The following TFAP2D variants were observed in gnomAD, a reference collection of about 807,000 sequenced individuals.
The protein encoded by TFAP2D is transcription factor AP-2-delta.
A neutral mutation model predicts 43.6 loss-of-function variants in TFAP2D; 9 were observed. The ratio of observed to expected loss-of-function variants is 0.21; its 90% CI spans 0.12 to 0.36. TFAP2D has a LOEUF of 0.36. Among genes scored for constraint, TFAP2D ranks in the 10% least tolerant of loss-of-function variants. The pLI is 1.00. For missense variants in TFAP2D, 513 were observed against 561.4 expected, an observed-to-expected ratio of 0.91 and a Z score of 0.87; for synonymous variants, 256 against 224.9, an observed-to-expected ratio of 1.14 and a Z score of -1.24.
chr6:50,747,855 T>A (rs1776486672), intron 6 of TFAP2D, among the ~76,000 whole-genome samples: 1 of 152,084 alleles, frequency 6.6e-6, no homozygotes, highest in Non-Finnish European at 1.5e-5. Flanking sequence ...CTAAGTAACA[T>A]ACATTATTTT....
intron 7 of TFAP2D, among the ~76,000 whole-genome samples, chr6:50,766,107 A>G (rs1292706448): frequency 6.6e-6 from 1 of 152,214 alleles, no homozygotes; most frequent in African/African-American, 2.4e-5. Context: ...TTCTAGAACC[A>G]TTTATTGAAG....
intron 3 of TFAP2D, among the ~76,000 whole-genome samples, chr6:50,728,504 C>T (rs768073048): frequency 6.6e-6 from 1 of 152,130 alleles, no homozygotes; most frequent in Non-Finnish European, 1.5e-5. Flanking sequence ...TAAGTAATAC[C>T]TAGTCTTTGT....
At chr6:50,747,859 T>C (rs1769146749) in intron 6 of TFAP2D, among the ~76,000 whole-genome samples, 1 of 152,064 alleles carries the variant, frequency 6.6e-6, no homozygotes. Flanking sequence ...GTAACATACA[T>C]TATTTTAGGT....
Position 50,729,321 on chromosome 6 carries a change from T to C in TFAP2D, c.883+9T>C. 6.2e-7 allele frequency: 1 copy of C among 1,609,954 alleles called. No individual in the cohort carries two copies. Among genetic ancestry groups the C allele is most frequent in the Non-Finnish European group, 8.5e-7 (1 of 1,177,248 alleles). ...TACTTCCTTGGTTGAAGGTATGACT[T>C]TTCAGTTTAGCAAAATAATGCTGGA... On this transcript the variant is annotated intron_variant, in intron 5 of 7. Transcript: ENST00000008391.
Position 50,728,892 on chromosome 6 carries a change from G to T in TFAP2D, c.635G>T (p.Cys212Phe), listed in dbSNP as rs1242436920. ...GTGGTCAACCCCACAGACTTATTTT[G>T]CTCTGTCCCTGGCCGTTTGTCCCTT... ...TCVVNPTDLF[C>F]SVPGRLSLLS... The change falls in exon 4 of 8, where the codon TGC becomes TTC. Residue 212 changes from cysteine (C) to phenylalanine (F), a missense_variant. Cys to Phe is a radical substitution (Grantham distance 205). Around this residue, in one of 3 missense-constraint regions of TFAP2D, gnomAD observed 311 missense variants for 316.2 expected, o/e 0.98. Coordinates refer to ENST00000008391, the MANE Select transcript of TFAP2D (RefSeq NM_172238.4). The T allele has an allele frequency of 6.2e-7, 1 of 1,613,920 alleles. No homozygotes were observed. Among genetic ancestry groups the T allele is most frequent in the South Asian group, 1.1e-5 (1 of 91,066 alleles).
At chr6:50,759,908 A>G (rs1309991973) in intron 7 of TFAP2D, among the ~76,000 whole-genome samples, 1 of 151,992 alleles carries the variant, frequency 6.6e-6, no homozygotes, top group Non-Finnish European at 1.5e-5. Context: ...ACATCTCCCA[A>G]TCTGACAGAG....
At chr6:50,766,826 G>A (rs540110756) in intron 7 of TFAP2D, among the ~76,000 whole-genome samples, 32 of 151,346 alleles carry the variant, frequency 2.1e-4, no homozygotes, top group East Asian at 3.9e-4. Flanking sequence ...CCGCCACCGC[G>A]CCTGGCTAAT....
At chr6:50,755,429 T>TAAAA (rs35437406) in intron 7 of TFAP2D, among the ~76,000 whole-genome samples, 3 of 141,440 alleles carry the variant, frequency 2.1e-5, no homozygotes, top group East Asian at 2.1e-4. Context: ...CTTGAAACTG[T>TAAAA]AAAAAAAAAA....
Position 50,729,395 on chromosome 6 carries a change from T to C in TFAP2D, c.883+83T>C. ...AGGTTTCTTAAATTATGCTGTTTTA[T>C]TTTTGTCTGTACCATTAAGCAAGTC... On this transcript the variant is annotated intron_variant, in intron 5 of 7. Coordinates refer to ENST00000008391, the MANE Select transcript of TFAP2D (RefSeq NM_172238.4). 7 of 1,185,498 alleles carry C rather than the reference T, an allele frequency of 5.9e-6. No homozygotes were observed. The South Asian group carries it at 9.2e-5, about 16-fold the overall frequency. The allele number at this position is 1,185,498 out of a possible 1,614,324, so 73.4% of individuals were successfully genotyped here.
intron 7 of TFAP2D, among the ~76,000 whole-genome samples, chr6:50,757,794 GAATATATATAATTATATATAT>G (rs1769309538): frequency 6.6e-5 from 6 of 91,464 alleles, no homozygotes; most frequent in Middle Eastern, 6.8e-3. Context: ...TATATATATA[GAATATATATAATTATATATAT>G]AGAATATATA....
At position 50,772,999 on chromosome 6, in the gene TFAP2D, G is replaced by A; in HGVS notation, c.*135G>A. Reference sequence around the variant, plus strand: ...CAACCCTCCATAAAAAAACAAAAATGGAAATGAAAAATGAAACAAAAAAGG... The same window carrying A: ...CAACCCTCCATAAAAAAACAAAAATAGAAATGAAAAATGAAACAAAAAAGG... On this transcript the variant is annotated 3_prime_UTR_variant, in exon 8 of 8. Coordinates refer to ENST00000008391, the MANE Select transcript of TFAP2D (RefSeq NM_172238.4). 12 of 751,146 alleles carry A rather than the reference G, an allele frequency of 1.6e-5. No individual in the cohort carries two copies. The South Asian group carries it at 1.7e-4, about 11-fold the overall frequency. 46.5% of individuals were successfully genotyped at this position (751,146 alleles called of 1,614,324 possible). A position where few individuals can be genotyped will look rare whatever the true frequency, so the allele number is the denominator to read the frequency against.
chr6:50,718,396 T>G (rs1325940341), intron 2 of TFAP2D, among the ~76,000 whole-genome samples: 6 of 152,136 alleles, frequency 3.9e-5, no homozygotes, highest in Non-Finnish European at 7.4e-5. Flanking sequence ...CGTTTGTTTG[T>G]AAAGGAAAAT....
intron 6 of TFAP2D, among the ~76,000 whole-genome samples, chr6:50,748,052 T>C (rs9367411): frequency 0.25 from 38,449 of 151,862 alleles, 5,454 homozygotes; most frequent in East Asian, 0.43. Flanking sequence ...ATAATACAGC[T>C]TTATAATTTT....
chr6:50,762,394 C>T (rs1257065297), intron 7 of TFAP2D, among the ~76,000 whole-genome samples: 2 of 152,038 alleles, frequency 1.3e-5, no homozygotes, highest in East Asian at 3.9e-4. Flanking sequence ...TACACACAAA[C>T]ACACTACACA....
At chr6:50,755,902 G>A (rs1040482069) in intron 7 of TFAP2D, among the ~76,000 whole-genome samples, 4 of 151,832 alleles carry the variant, frequency 2.6e-5, no homozygotes, top group Admixed American at 2.6e-4. Context: ...TTTATTTTTT[G>A]TGAGAGAGGT....
chr6:50,743,823 A>T (rs1769087465), intron 5 of TFAP2D, among the ~76,000 whole-genome samples: 1 of 152,162 alleles, frequency 6.6e-6, no homozygotes. Flanking sequence ...AACAACAAAC[A>T]TGAAAAGATT....
intron 2 of TFAP2D, among the ~76,000 whole-genome samples, chr6:50,717,385 C>CGG (rs1462913736): frequency 2.6e-5 from 4 of 152,180 alleles, no homozygotes; most frequent in Non-Finnish European, 5.9e-5. Context: ...AACCAAGATT[C>CGG]GTTTCTTCTA....
intron 3 of TFAP2D, among the ~76,000 whole-genome samples, chr6:50,724,063 G>T (rs1768770332): frequency 6.6e-6 from 1 of 151,996 alleles, no homozygotes; most frequent in Non-Finnish European, 1.5e-5. Flanking sequence ...CGCATCCTTT[G>T]CTGTTTGATT....
chr6:50,758,980 A>T (rs1581776883), intron 7 of TFAP2D, among the ~76,000 whole-genome samples: 1 of 152,170 alleles, frequency 6.6e-6, no homozygotes. Context: ...AGACACATAC[A>T]TTAAAGCATC....
Sources: gnomAD v4.1 joint callset for allele counts (sites outside exome capture counted in the v4.1 genomes callset) on GRCh38, gnomAD v4.1.1 for gene constraint, gnomAD v4.1.1 regional missense constraint, MANE v1.5 for transcripts, NCBI Gene and HGNC (gene_info 2026-07-23, HGNC 2026-07-21) for gene names.